MAPK8IP3: variants seen among roughly 807,000 people sequenced by gnomAD.
MAPK8IP3 encodes the protein mitogen-activated protein kinase 8 interacting protein 3, also known as C-Jun-amino-terminal kinase-interacting protein 3.
In MAPK8IP3, 49 loss-of-function variants were observed where a neutral mutation model predicts 157.8. The ratio of observed to expected loss-of-function variants is 0.31; its 90% CI spans 0.25 to 0.39. The LOEUF (loss-of-function observed/expected upper bound fraction) is 0.39, where lower values mean the gene tolerates loss of function less well. MAPK8IP3 is among the 10% of genes least tolerant of loss of function. The pLI, the probability that MAPK8IP3 is intolerant of heterozygous loss-of-function variation, is 1.00. For missense variants in MAPK8IP3, 1,478 were observed against 1,889.4 expected (o/e 0.78, Z 4.04); for synonymous variants, 897 against 777.7 (o/e 1.15, Z -2.55).
intron 5 of MAPK8IP3, 149 bp from the exon 6 acceptor site, chr16:1,746,880 G>A (rs931106026): frequency 2.4e-5 from 23 of 963,582 alleles, no homozygotes; most frequent in Admixed American, 1.1e-4. Flanking sequence ...GGGTTAGCCC[G>A]GTGGGCGGCA....
chr16:1,766,510 G>A lies in MAPK8IP3; in HGVS notation c.2820-19G>A. 1 of 1,609,722 alleles carries A rather than the reference G, an allele frequency of 6.2e-7. No individual in the cohort carries two copies. The highest frequency in any genetic ancestry group is 8.5e-7 in the Non-Finnish European group (1 of 1,179,192). ...TGCGTGCTCCGTGGCCCCCCCTGGA[G>A]CCACCGTTCTTCCTGCAGCGAGAAC... On this transcript the variant is annotated intron_variant, in intron 22 of 31. Coordinates refer to ENST00000610761, the MANE Select transcript of MAPK8IP3 (RefSeq NM_001318852.2).
In MAPK8IP3 at chr16:1,764,297, G is replaced by A; in HGVS notation, c.2122-4G>A. ...GACACCCGACCTCGGCCCTGCCCTTGCAGCTGTGGTGTGCCGCGGGCGTCA... is the reference window on the plus strand; with the variant it reads ...GACACCCGACCTCGGCCCTGCCCTTACAGCTGTGGTGTGCCGCGGGCGTCA... On this transcript the variant is annotated splice_polypyrimidine_tract_variant and splice_region_variant and intron_variant, in intron 18 of 31. Transcript: ENST00000610761. 1 of 1,581,026 alleles carries A rather than the reference G, an allele frequency of 6.3e-7. No homozygotes were observed. The highest frequency in any genetic ancestry group is 8.6e-7 in the Non-Finnish European group (1 of 1,164,710).
intron 8 of MAPK8IP3, among the ~76,000 whole-genome samples, chr16:1,757,640 A>G (rs1448325928): frequency 1.3e-5 from 2 of 152,074 alleles, no homozygotes; most frequent in Non-Finnish European, 2.9e-5. Context: ...CCTTGCTCCC[A>G]TTGTGACTTC....
intron 1 of MAPK8IP3, among the ~76,000 whole-genome samples, chr16:1,721,684 A>C (rs2142320095): frequency 6.6e-6 from 1 of 151,742 alleles, no homozygotes; most frequent in South Asian, 2.1e-4. Context: ...CAATCAATCC[A>C]CTCGCCTCGG....
chr16:1,707,442 G>C (rs1421601742), intron 1 of MAPK8IP3: 1 of 152,272 alleles, frequency 6.6e-6, no homozygotes, highest in African/African-American at 2.4e-5. Context: ...TCTGGCTTCT[G>C]AGGAGTTAAC....
Position 1,768,127 on chromosome 16 carries a change from G to C in MAPK8IP3, c.3562+20G>C. 1 of 1,612,030 alleles carries C rather than the reference G, an allele frequency of 6.2e-7. No individual in the cohort carries two copies. The highest frequency in any genetic ancestry group is 8.5e-7 in the Non-Finnish European group (1 of 1,179,946). On this transcript the variant is annotated intron_variant, in intron 29 of 31. Transcript: ENST00000610761. Reference sequence around the variant, plus strand: ...TCCGAGGTAAGCCCAGCCACCTCGTGTCCCCTCACGGGAGCCTCTCCCACT... The same window carrying C: ...TCCGAGGTAAGCCCAGCCACCTCGTCTCCCCTCACGGGAGCCTCTCCCACT...
At chr16:1,721,780 T>G (rs1318496094) in intron 1 of MAPK8IP3, among the ~76,000 whole-genome samples, 2 of 151,868 alleles carry the variant, frequency 1.3e-5, no homozygotes, top group African/African-American at 4.8e-5. Context: ...TGTTTTGTTT[T>G]GTTTTTGGAG....
chr16:1,737,934 G>C (rs1405168789), intron 4 of MAPK8IP3, among the ~76,000 whole-genome samples: 3 of 72,116 alleles, frequency 4.2e-5, no homozygotes, highest in African/African-American at 5.9e-5. Context: ...ATCCATGTGA[G>C]CATCCGTGTG....
chr16:1,708,414 C>T (rs770296751), intron 1 of MAPK8IP3, among the ~76,000 whole-genome samples: 1 of 152,250 alleles, frequency 6.6e-6, no homozygotes, highest in Non-Finnish European at 1.5e-5. Flanking sequence ...ACCTGGATTT[C>T]AGGTGGGTTT....
intron 8 of MAPK8IP3, among the ~76,000 whole-genome samples, chr16:1,750,110 C>T (rs1388233780): frequency 6.6e-6 from 1 of 152,074 alleles, no homozygotes; most frequent in African/African-American, 2.4e-5. Flanking sequence ...ATAAAAAATC[C>T]AAAGGAGATT....
chr16:1,708,851 C>T (rs2037570360), intron 1 of MAPK8IP3, among the ~76,000 whole-genome samples: 2 of 152,174 alleles, frequency 1.3e-5, no homozygotes, highest in African/African-American at 4.8e-5. Context: ...TCGATGCTGT[C>T]AACATTTGGC....
chr16:1,761,450 A>AGAGCGGCCACCATTCACCATTCACAGGCG (rs2041934966), intron 13 of MAPK8IP3, 145 bp downstream of exon 13: 2 of 601,894 alleles, frequency 3.3e-6, no homozygotes, highest in African/African-American at 2.3e-5. Flanking sequence ...ATTCACAGGC[A>AGAGCGGCCACCATTCACCATTCACAGGCG]GAGCGGCCAC....
intron 1 of MAPK8IP3, among the ~76,000 whole-genome samples, chr16:1,718,478 C>T (rs990029552): frequency 9.9e-5 from 15 of 152,004 alleles, no homozygotes; most frequent in African/African-American, 3.1e-4. Flanking sequence ...GTCACCGCGC[C>T]CGGCTAATGA....
At chr16:1,759,831 T>C in intron 10 of MAPK8IP3, 127 bp from the exon 11 acceptor site, 1 of 804,538 alleles carries the variant, frequency 1.2e-6, no homozygotes, top group South Asian at 1.6e-5. Flanking sequence ...CCCCGCTCCC[T>C]GTAGATCGGG....
intron 3 of MAPK8IP3, 44 bp from the exon 4 acceptor site, chr16:1,729,443 A>G: frequency 6.4e-7 from 1 of 1,551,346 alleles, no homozygotes; most frequent in Non-Finnish European, 8.9e-7. Context: ...GGACGGAGAC[A>G]GCCCCCCACG....
chr16:1,766,544 G>A lies in MAPK8IP3; in HGVS notation c.2835G>A (p.Glu945=). Residue 945 remains glutamate (E), a synonymous_variant, in exon 23 of 32, where the codon GAG becomes GAA. Transcript: ENST00000610761. ...GPQPGSENGP[E]PDSSSTRPEP... is the part of the protein sequence containing the mutation. ...CTTCCTGCAGCGAGAACGGGCCAGAGCCTGACAGCAGCAGCACACGGCCAG... is the reference window on the plus strand; with the variant it reads ...CTTCCTGCAGCGAGAACGGGCCAGAACCTGACAGCAGCAGCACACGGCCAG... 1 of 1,611,950 alleles carries A rather than the reference G, an allele frequency of 6.2e-7. No individual in the cohort carries two copies. Among genetic ancestry groups the A allele is most frequent in the Non-Finnish European group, 8.5e-7 (1 of 1,179,856 alleles).
At chr16:1,766,457 G>A (rs1567210785) in intron 22 of MAPK8IP3, 48 bp downstream of exon 22, 6 of 1,602,970 alleles carry the variant, frequency 3.7e-6, no homozygotes, top group Admixed American at 1.7e-5. Flanking sequence ...TTGCAGAGGT[G>A]GGAAGGGCCT....
intron 1 of MAPK8IP3, among the ~76,000 whole-genome samples, chr16:1,714,620 C>A (rs1401214734): frequency 4.6e-5 from 7 of 152,214 alleles, no homozygotes; most frequent in Non-Finnish European, 7.3e-5. Context: ...TGTTCCCTAA[C>A]CTTTCCTCAG....
intron 6 of MAPK8IP3, among the ~76,000 whole-genome samples, chr16:1,747,961 GGCTT>G (rs1364487417): frequency 6.6e-6 from 1 of 152,238 alleles, no homozygotes; most frequent in African/African-American, 2.4e-5. Context: ...TCCAGCCACT[GGCTT>G]GCTTGGACGT....
Sources: allele counts gnomAD v4.1 joint callset (sites outside exome capture counted in the v4.1 genomes callset), GRCh38; gene constraint gnomAD v4.1.1; transcripts MANE v1.5; gene names NCBI Gene and HGNC (gene_info 2026-07-23, HGNC 2026-07-21).